ADAM18: variants seen among roughly 807,000 people sequenced by gnomAD.
The protein encoded by ADAM18 is ADAM metallopeptidase domain 18.
In ADAM18, 117 loss-of-function variants were observed where a neutral mutation model predicts 94.4. The ratio of observed to expected loss-of-function variants is 1.24; its 90% confidence interval spans 1.07 to 1.45. ADAM18 has a LOEUF of 1.45. Ranked by LOEUF, ADAM18 falls within the 40% of genes most tolerant of loss-of-function variation. The probability of loss-of-function intolerance (pLI) is 0.00; values close to 1 mark genes in which losing one functional copy is unlikely to be tolerated. For synonymous variants in ADAM18, 327 were observed against 291.6 expected, an observed-to-expected ratio of 1.12 and a Z score of -1.24; for missense variants, 936 against 880.0, an observed-to-expected ratio of 1.06 and a Z score of -0.81.
intron 2 of ADAM18, among the ~76,000 whole-genome samples, chr8:39,593,976 T>C (rs1818657523): frequency 6.6e-6 from 1 of 152,182 alleles, no homozygotes; most frequent in African/African-American, 2.4e-5. Context: ...TAATTTTGCC[T>C]ATTCATATCA....
intron 18 of ADAM18, among the ~76,000 whole-genome samples, chr8:39,713,136 C>T (rs1382174118): frequency 2.6e-5 from 4 of 152,140 alleles, no homozygotes; most frequent in Non-Finnish European, 4.4e-5. Flanking sequence ...AATAACACCA[C>T]ACATCTACAA....
intron 18 of ADAM18, among the ~76,000 whole-genome samples, chr8:39,719,105 G>C (rs2129581699): frequency 6.6e-6 from 1 of 151,394 alleles, no homozygotes; most frequent in South Asian, 2.1e-4. Flanking sequence ...TAAAGCTACA[G>C]TTATCAAGTC....
chr8:39,600,490 A>T (rs1818869014), intron 2 of ADAM18, among the ~76,000 whole-genome samples: 1 of 152,222 alleles, frequency 6.6e-6, no homozygotes, highest in African/African-American at 2.4e-5. Flanking sequence ...GATTTAAAAA[A>T]TGTGTTTATT....
chr8:39,720,983 A>G (rs1201571061), intron 18 of ADAM18, among the ~76,000 whole-genome samples: 1 of 151,556 alleles, frequency 6.6e-6, no homozygotes, highest in East Asian at 1.9e-4. Flanking sequence ...TGTCTGTCAG[A>G]ATATCAGAAA....
intron 6 of ADAM18, among the ~76,000 whole-genome samples, chr8:39,618,202 C>T (rs368561702): frequency 2.0e-4 from 30 of 152,192 alleles, no homozygotes; most frequent in South Asian, 1.2e-3. Context: ...CCAGGTGGAT[C>T]GGCAGGTTGA....
At chr8:39,617,824 C>T (rs1342053395) in intron 6 of ADAM18, among the ~76,000 whole-genome samples, 1 of 150,414 alleles carries the variant, frequency 6.6e-6, no homozygotes, top group Non-Finnish European at 1.5e-5. Context: ...ACAATAGACA[C>T]TGGGCCTACT....
chr8:39,697,054 T>C (rs1821946949), intron 17 of ADAM18, among the ~76,000 whole-genome samples: 1 of 151,636 alleles, frequency 6.6e-6, no homozygotes, highest in Admixed American at 6.6e-5. Context: ...TTTGTAATTT[T>C]GAGTGTATAT....
intron 17 of ADAM18, 32 bp downstream of exon 17, chr8:39,692,712 A>G: frequency 6.6e-7 from 1 of 1,519,254 alleles, no homozygotes; most frequent in Non-Finnish European, 9.1e-7. Flanking sequence ...ATTGCATGTT[A>G]TTCTTGTGGG....
At chr8:39,702,029 G>A (rs1228541821) in intron 17 of ADAM18, among the ~76,000 whole-genome samples, 1 of 152,136 alleles carries the variant, frequency 6.6e-6, no homozygotes, top group East Asian at 1.9e-4. Flanking sequence ...GGGTTGAATG[G>A]GATTTCTGTC....
At position 39,645,759 on chromosome 8, in the gene ADAM18, A is replaced by C. The variant is rs7822559; in HGVS notation, c.1046+285A>C. On this transcript the variant is annotated intron_variant, in intron 11 of 19. Coordinates refer to ENST00000265707, the MANE Select transcript of ADAM18 (RefSeq NM_014237.3). ...GGTTTCAAAACTTAGTTGCTTTGTA[A>C]CCATCTTAAACAAAAGTCTTATTTT... 6.0e-3 allele frequency among the ~76,000 whole-genome samples: 912 copies of C among 152,262 alleles called. 5 individuals carry two copies. Among genetic ancestry groups the C allele is most frequent in the African/African-American group, 0.021 (867 of 41,578 alleles).
At chr8:39,634,509 C>T (rs560395737) in intron 7 of ADAM18, among the ~76,000 whole-genome samples, 6 of 152,300 alleles carry the variant, frequency 3.9e-5, no homozygotes, top group East Asian at 1.9e-4. Context: ...GCCTTTGGGG[C>T]TCAAATCCCA....
intron 7 of ADAM18, among the ~76,000 whole-genome samples, chr8:39,635,472 A>C (rs1259805925): frequency 6.6e-6 from 1 of 152,176 alleles, no homozygotes. Flanking sequence ...ACTTACATGA[A>C]AGTTAAGAAA....
chr8:39,588,409 C>T (rs746341273), intron 2 of ADAM18, among the ~76,000 whole-genome samples: 1 of 152,014 alleles, frequency 6.6e-6, no homozygotes, highest in African/African-American at 2.4e-5. Flanking sequence ...ATTGTTTAAT[C>T]AGGTTATTTG....
At chr8:39,677,608 G>C in intron 15 of ADAM18, 72 bp downstream of exon 15, 1 of 1,043,710 alleles carries the variant, frequency 9.6e-7, no homozygotes, top group Non-Finnish European at 1.4e-6. Flanking sequence ...ACACTAAGTA[G>C]TAATGAACAC....
At chr8:39,588,081 T>C (rs1818458486) in intron 2 of ADAM18, among the ~76,000 whole-genome samples, 1 of 152,188 alleles carries the variant, frequency 6.6e-6, no homozygotes, top group Non-Finnish European at 1.5e-5. Context: ...TATATGGTAG[T>C]TCTATTTTTA....
At chr8:39,649,233 A>T (rs1037619483) in intron 12 of ADAM18, among the ~76,000 whole-genome samples, 3 of 152,066 alleles carry the variant, frequency 2.0e-5, no homozygotes, top group Non-Finnish European at 4.4e-5. Flanking sequence ...ATACCATTAA[A>T]TTCTCTCAAT....
At chr8:39,717,058 A>C (rs918647793) in intron 18 of ADAM18, among the ~76,000 whole-genome samples, 2 of 151,814 alleles carry the variant, frequency 1.3e-5, no homozygotes, top group Non-Finnish European at 2.9e-5. Context: ...TTTGCATGGA[A>C]TATCTTGTAT....
intron 17 of ADAM18, among the ~76,000 whole-genome samples, chr8:39,698,342 C>T (rs989992143): frequency 6.6e-6 from 1 of 151,832 alleles, no homozygotes; most frequent in Non-Finnish European, 1.5e-5. Flanking sequence ...CAATTTTTCT[C>T]ATATCTAAGC....
chr8:39,608,812 A>T (rs527514097), intron 3 of ADAM18, among the ~76,000 whole-genome samples: 1 of 152,096 alleles, frequency 6.6e-6, no homozygotes, highest in Admixed American at 6.5e-5. Context: ...CTATACATAC[A>T]TATGTCTGAT....
Sources: allele counts gnomAD v4.1 joint callset (sites outside exome capture counted in the v4.1 genomes callset), GRCh38; gene constraint gnomAD v4.1.1; transcripts MANE v1.5; gene names NCBI Gene and HGNC (gene_info 2026-07-23, HGNC 2026-07-21).